XYLT1: variants seen among roughly 807,000 people sequenced by gnomAD.
XYLT1 encodes beta-D-xylosyltransferase 1.
XYLT1 carries 36 observed loss-of-function variants against 91.3 expected under a neutral mutation model. That is an observed-to-expected ratio of 0.39 (90% confidence interval 0.30 to 0.52). The LOEUF (loss-of-function observed/expected upper bound fraction) is 0.52. XYLT1 is among the 20% of genes least tolerant of loss of function. The pLI is 0.68. For missense variants in XYLT1, 1,242 were observed against 1,284.5 expected, an observed-to-expected ratio of 0.97 and a Z score of 0.51; for synonymous variants, 588 against 532.0, an observed-to-expected ratio of 1.11 and a Z score of -1.45.
At chr16:17,323,498 A>G (rs781674817) in intron 2 of XYLT1, among the ~76,000 whole-genome samples, 9 of 152,248 alleles carry the variant, frequency 5.9e-5, no homozygotes, top group Non-Finnish European at 1.0e-4. Flanking sequence ...AACACTTTGT[A>G]GTCTATCCAA....
intron 2 of XYLT1, among the ~76,000 whole-genome samples, chr16:17,323,396 G>T (rs1446515910): frequency 1.3e-5 from 2 of 152,136 alleles, no homozygotes; most frequent in African/African-American, 2.4e-5. Flanking sequence ...CCTAACTCGG[G>T]CAAAGCAGGG....
chr16:17,164,704 C>T (rs2031637883), intron 5 of XYLT1, among the ~76,000 whole-genome samples: 1 of 152,178 alleles, frequency 6.6e-6, no homozygotes. Context: ...CTTAGAATTT[C>T]TTTCCTTTTT....
intron 8 of XYLT1, among the ~76,000 whole-genome samples, chr16:17,136,665 C>T (rs1238352433): frequency 6.6e-6 from 1 of 152,210 alleles, no homozygotes; most frequent in Non-Finnish European, 1.5e-5. Context: ...CCGACCATAG[C>T]TGGATCTTCT....
At chr16:17,293,491 C>CTTTTT (rs548581536) in intron 2 of XYLT1, among the ~76,000 whole-genome samples, 10 of 119,098 alleles carry the variant, frequency 8.4e-5, no homozygotes, top group Non-Finnish European at 1.8e-4. Context: ...TTTCTCCCTC[C>CTTTTT]TTTTTTTTTT....
chr16:17,140,261 C>T (rs554521477), intron 7 of XYLT1, among the ~76,000 whole-genome samples: 10 of 152,252 alleles, frequency 6.6e-5, no homozygotes, highest in African/African-American at 2.4e-4. Flanking sequence ...GAAACCAACA[C>T]CCTTTTCTTC....
chr16:17,296,308 G>A (rs560446681), intron 2 of XYLT1, among the ~76,000 whole-genome samples: 123 of 152,276 alleles, frequency 8.1e-4, no homozygotes, highest in African/African-American at 2.9e-3. Flanking sequence ...GGCTCAGCGC[G>A]TTTATCCCCA....
chr16:17,226,093 T>C (rs537087315), intron 3 of XYLT1, among the ~76,000 whole-genome samples: 1 of 152,332 alleles, frequency 6.6e-6, no homozygotes, highest in African/African-American at 2.4e-5. Context: ...TGAGAACTAT[T>C]ATCCTTGGAG....
At chr16:17,196,061 G>T (rs1018544206) in intron 5 of XYLT1, among the ~76,000 whole-genome samples, 5 of 152,142 alleles carry the variant, frequency 3.3e-5, no homozygotes, top group Admixed American at 6.6e-5. Context: ...TTTTTCTCAG[G>T]TTCAAGGATG....
chr16:17,332,575 C>T (rs865973335), intron 2 of XYLT1, among the ~76,000 whole-genome samples: 7,241 of 139,624 alleles, frequency 0.052, 221 homozygotes, highest in Middle Eastern at 0.093. Context: ...CATACACACA[C>T]ACACACACAC....
chr16:17,292,502 G>A (rs927601604), intron 2 of XYLT1, among the ~76,000 whole-genome samples: 1 of 152,198 alleles, frequency 6.6e-6, no homozygotes, highest in Non-Finnish European at 1.5e-5. Flanking sequence ...ATGACCTGCT[G>A]TGCAGGGCTC....
At chr16:17,145,327 G>C (rs372040234) in intron 6 of XYLT1, among the ~76,000 whole-genome samples, 3 of 152,146 alleles carry the variant, frequency 2.0e-5, no homozygotes, top group African/African-American at 7.2e-5. Context: ...AGCACCAGGG[G>C]GTGGGAACAT....
intron 9 of XYLT1, among the ~76,000 whole-genome samples, chr16:17,131,153 T>C (rs1257885724): frequency 1.3e-5 from 2 of 152,152 alleles, no homozygotes; most frequent in African/African-American, 2.4e-5. Flanking sequence ...TCAGTACTTA[T>C]TGAAGGAGTG....
intron 3 of XYLT1, among the ~76,000 whole-genome samples, chr16:17,243,831 C>G (rs541357477): frequency 2.4e-4 from 37 of 152,190 alleles, no homozygotes; most frequent in Non-Finnish European, 4.4e-4. Context: ...TTTTCACACC[C>G]AGGAGTGAGA....
At chr16:17,437,525 C>A (rs2036475048) in intron 1 of XYLT1, among the ~76,000 whole-genome samples, 1 of 152,188 alleles carries the variant, frequency 6.6e-6, no homozygotes, top group African/African-American at 2.4e-5. Flanking sequence ...TCACCCACAT[C>A]TGCTTGGAAT....
At chr16:17,427,001 G>A (rs1271341947) in intron 1 of XYLT1, among the ~76,000 whole-genome samples, 1 of 152,170 alleles carries the variant, frequency 6.6e-6, no homozygotes, top group South Asian at 2.1e-4. Flanking sequence ...AGAAAGGAGA[G>A]TGTGGCTTGG....
At chr16:17,154,155 C>A (rs2031349966) in intron 6 of XYLT1, among the ~76,000 whole-genome samples, 1 of 152,228 alleles carries the variant, frequency 6.6e-6, no homozygotes, top group Non-Finnish European at 1.5e-5. Context: ...TCCATCTCCC[C>A]AATACCATGA....
intron 2 of XYLT1, among the ~76,000 whole-genome samples, chr16:17,282,685 C>T (rs1008912764): frequency 6.6e-6 from 1 of 152,198 alleles, no homozygotes; most frequent in Non-Finnish European, 1.5e-5. Context: ...AAATGAGAAC[C>T]TCCCAGGGGC....
At chr16:17,353,348 G>C (rs375084429) in intron 2 of XYLT1, among the ~76,000 whole-genome samples, 11 of 152,276 alleles carry the variant, frequency 7.2e-5, no homozygotes, top group African/African-American at 2.2e-4. Flanking sequence ...TGTTGAGGGT[G>C]GGGGAAGTGA....
intron 1 of XYLT1, among the ~76,000 whole-genome samples, chr16:17,458,194 C>A: frequency 6.6e-6 from 1 of 152,172 alleles, no homozygotes; most frequent in East Asian, 1.9e-4. Flanking sequence ...TTAGTTGTCT[C>A]CGATGCCCTT....
Sources: gnomAD v4.1 joint callset for allele counts (sites outside exome capture counted in the v4.1 genomes callset) on GRCh38, gnomAD v4.1.1 for gene constraint, MANE v1.5 for transcripts, NCBI Gene and HGNC (gene_info 2026-07-23, HGNC 2026-07-21) for gene names.